Variants in ADAMTSL1 observed in about 807,000 individuals in gnomAD.
The protein encoded by ADAMTSL1 is ADAMTS like 1, also known as ADAMTS-like protein 1.
ADAMTSL1 carries 126 observed loss-of-function variants against 201.8 expected under a neutral mutation model. The ratio of observed to expected loss-of-function variants is 0.62; its 90% CI spans 0.54 to 0.72. The LOEUF (loss-of-function observed/expected upper bound fraction) is 0.72, where lower values mean the gene tolerates loss of function less well. Ranked by LOEUF, ADAMTSL1 falls within the 30% of genes least tolerant of loss-of-function variation. The pLI is 0.00. For missense variants in ADAMTSL1, 2,679 were observed against 2,277.8 expected, an observed-to-expected ratio of 1.18 and a Z score of -3.59; for synonymous variants, 1,121 against 903.4, an observed-to-expected ratio of 1.24 and a Z score of -4.32.
At chr9:18,179,081 G>A (rs1012204668) in intron 2 of ADAMTSL1, among the ~76,000 whole-genome samples, 1 of 152,216 alleles carries the variant, frequency 6.6e-6, no homozygotes, top group African/African-American at 2.4e-5. Context: ...ATTACTCCGA[G>A]CTACGGGAGG....
At chr9:18,174,520 A>C in intron 2 of ADAMTSL1, among the ~76,000 whole-genome samples, 1 of 152,188 alleles carries the variant, frequency 6.6e-6, no homozygotes, top group East Asian at 1.9e-4. Context: ...ATGAGAGGAT[A>C]CTTCAGGCTG....
At chr9:18,767,916 C>A (rs1820458744) in intron 16 of ADAMTSL1, among the ~76,000 whole-genome samples, 1 of 152,206 alleles carries the variant, frequency 6.6e-6, no homozygotes, top group African/African-American at 2.4e-5. Flanking sequence ...AAACGACACA[C>A]TAGAAAAGCC....
intron 4 of ADAMTSL1, among the ~76,000 whole-genome samples, chr9:18,577,911 G>C (rs532319644): frequency 6.6e-6 from 1 of 151,686 alleles, no homozygotes; most frequent in Non-Finnish European, 1.5e-5. Flanking sequence ...TAAGAACCCA[G>C]TTTCAGAATA....
intron 1 of ADAMTSL1, among the ~76,000 whole-genome samples, chr9:18,057,763 C>T (rs967624595): frequency 9.9e-5 from 15 of 152,182 alleles, no homozygotes; most frequent in African/African-American, 3.6e-4. Context: ...ACATGCTGTT[C>T]CCTCTGCCAA....
chr9:18,421,041 A>G (rs988587219), intron 2 of ADAMTSL1, among the ~76,000 whole-genome samples: 1 of 152,146 alleles, frequency 6.6e-6, no homozygotes, highest in African/African-American at 2.4e-5. Context: ...CTGGAACGTC[A>G]TCAGCAAAGG....
At chr9:18,709,282 C>A (rs780181809) in intron 14 of ADAMTSL1, among the ~76,000 whole-genome samples, 1 of 152,074 alleles carries the variant, frequency 6.6e-6, no homozygotes, top group African/African-American at 2.4e-5. Context: ...AGTCTTTGTT[C>A]GACAGTAACA....
At chr9:18,589,604 G>T (rs539275901) in intron 4 of ADAMTSL1, among the ~76,000 whole-genome samples, 11 of 152,118 alleles carry the variant, frequency 7.2e-5, no homozygotes, top group African/African-American at 2.7e-4. Flanking sequence ...AAGATTTCCA[G>T]TACTGTTTAA....
intron 1 of ADAMTSL1, among the ~76,000 whole-genome samples, chr9:17,995,666 G>A (rs1022867246): frequency 2.0e-5 from 3 of 151,942 alleles, no homozygotes; most frequent in African/African-American, 7.3e-5. Flanking sequence ...TTGCCAAATT[G>A]TTTTTTAACA....
At position 18,889,868 on chromosome 9, in the gene ADAMTSL1, G is replaced by C. The variant is rs781338956; in HGVS notation, c.4643+120G>C. ...AGGGAGAGATGCCAGCCAAGGAGCT[G>C]TTCTTCCCTCTAGGCACAGGCTTAT... On this transcript the variant is annotated intron_variant, in intron 25 of 28. Transcript: ENST00000380548. 2.2e-5 allele frequency: 23 copies of C among 1,050,164 alleles called. No homozygotes were observed. In the East Asian group the frequency reaches 5.4e-4, roughly 25 times the overall value. The allele number at this position is 1,050,164 out of a possible 1,614,324, so 65.1% of individuals were successfully genotyped here. A position where few individuals can be genotyped will look rare whatever the true frequency, so the allele number is the denominator to read the frequency against.
intron 14 of ADAMTSL1, chr9:18,718,111 G>A (rs1383061028): frequency 6.5e-6 from 8 of 1,235,880 alleles, no homozygotes; most frequent in Middle Eastern, 1.9e-4. Context: ...ATGCACAGTT[G>A]TTCCATTGTC....
intron 3 of ADAMTSL1, among the ~76,000 whole-genome samples, chr9:18,559,465 G>A (rs185074440): frequency 6.6e-5 from 10 of 152,228 alleles, no homozygotes; most frequent in African/African-American, 2.4e-4. Flanking sequence ...TGTTCTTTTT[G>A]CTTAGAATTT....
chr9:18,226,483 C>T (rs1036550370), intron 2 of ADAMTSL1, among the ~76,000 whole-genome samples: 30 of 152,154 alleles, frequency 2.0e-4, no homozygotes, highest in African/African-American at 6.3e-4. Flanking sequence ...ATAAGGGTTT[C>T]ATACATCTTT....
chr9:18,360,735 A>T (rs941543915), intron 2 of ADAMTSL1: 1 of 152,104 alleles, frequency 6.6e-6, no homozygotes, highest in African/African-American at 2.4e-5. Flanking sequence ...TGTTTTTGAA[A>T]TTTTAACATC....
At chr9:18,904,140 C>G (rs1329106539) in intron 26 of ADAMTSL1, among the ~76,000 whole-genome samples, 1 of 152,076 alleles carries the variant, frequency 6.6e-6, no homozygotes, top group Non-Finnish European at 1.5e-5. Context: ...GGCTGTTAAT[C>G]AGTTTTCTGT....
chr9:17,981,799 G>C (rs1035803397), intron 1 of ADAMTSL1, among the ~76,000 whole-genome samples: 1 of 152,154 alleles, frequency 6.6e-6, no homozygotes, highest in Admixed American at 6.6e-5. Context: ...ATCTTTCTCT[G>C]TAGCTCCTAG....
intron 14 of ADAMTSL1, among the ~76,000 whole-genome samples, chr9:18,707,447 C>T (rs565772757): frequency 3.4e-4 from 52 of 152,304 alleles, no homozygotes; most frequent in Non-Finnish European, 6.0e-4. Flanking sequence ...GGAGTCCCTC[C>T]GATGTACTCA....
At chr9:18,479,383 G>A (rs950863284) in intron 1 of ADAMTSL1, among the ~76,000 whole-genome samples, 1 of 152,104 alleles carries the variant, frequency 6.6e-6, no homozygotes, top group Non-Finnish European at 1.5e-5. Context: ...AAGTTTTGCT[G>A]TATCCACAAG....
chr9:18,886,536 T>C (rs1828912925), intron 23 of ADAMTSL1, among the ~76,000 whole-genome samples: 1 of 152,142 alleles, frequency 6.6e-6, no homozygotes, highest in African/African-American at 2.4e-5. Flanking sequence ...AAAACAAATT[T>C]GTTTTTTACA....
intron 2 of ADAMTSL1, among the ~76,000 whole-genome samples, chr9:18,272,466 T>A (rs1832413919): frequency 2.0e-5 from 3 of 152,164 alleles, no homozygotes; most frequent in Non-Finnish European, 1.5e-5. Context: ...TCAAGATGGA[T>A]TAAAGACTTA....
Sources: allele counts gnomAD v4.1 joint callset (sites outside exome capture counted in the v4.1 genomes callset), GRCh38; gene constraint gnomAD v4.1.1; transcripts MANE v1.5; gene names NCBI Gene and HGNC (gene_info 2026-07-23, HGNC 2026-07-21).